Variants in FOXJ1 observed in about 807,000 individuals in gnomAD.
FOXJ1 encodes forkhead box J1.
Under a neutral mutation model 29.3 loss-of-function variants are expected in FOXJ1, and 8 were observed. The observed-to-expected ratio is 0.27, with a 90% CI of 0.16 to 0.49. FOXJ1 has a LOEUF of 0.49. Ranked by LOEUF, FOXJ1 falls within the 20% of genes least tolerant of loss-of-function variation. The pLI is 0.98. For synonymous variants in FOXJ1, 280 were observed against 278.7 expected (o/e 1.00, Z -0.05); for missense variants, 539 against 595.5 (o/e 0.91, Z 0.99).
In FOXJ1 at chr17:76,137,479, G is replaced by A; in HGVS notation, c.1140C>T (p.Ser380=). 1 of 1,575,020 alleles carries A rather than the reference G, an allele frequency of 6.3e-7. No individual in the cohort carries two copies. The highest frequency in any genetic ancestry group is 1.7e-4 in the Middle Eastern group (1 of 5,968). ...TCTCGTCCCAGGGGTGCTGCAGGAA[G>A]GATGTGGCCAGGAAGGTCTCATCGA... The part of the protein sequence containing the change: ...LDFDETFLAT[S]FLQHPWDESG... The change falls in exon 3 of 3, where the codon TCC becomes TCT. Residue 380 remains serine, a synonymous_variant. Transcript: ENST00000322957. The surrounding 1 kb of genome is among the most constrained non-coding windows in gnomAD (Gnocchi z 9.5).
rs2144762503 is a variant in FOXJ1, at chr17:76,138,140, A to G, written c.499-20T>C. 3.7e-6 allele frequency: 6 copies of G among 1,612,796 alleles called. No individual in the cohort carries two copies. Among genetic ancestry groups the G allele is most frequent in the Non-Finnish European group, 5.1e-6 (6 of 1,179,624 alleles). ...TGAATTCTGGGTGCAGGGAGAGAGCAAGAGAGAGAGGAACCGCTAGGTCAG... is the reference window on the plus strand; with the variant it reads ...TGAATTCTGGGTGCAGGGAGAGAGCGAGAGAGAGAGGAACCGCTAGGTCAG... On this transcript the variant is annotated intron_variant, in intron 2 of 2. Transcript: ENST00000322957.
Position 76,137,168 on chromosome 17 carries a change from GTTT to G in FOXJ1, c.*182_*184del, listed in dbSNP as rs2068484636. The G allele has an allele frequency of 2.0e-6, 1 of 511,634 alleles. No individual in the cohort carries two copies. The highest frequency in any genetic ancestry group is 4.3e-5 in the South Asian group (1 of 23,134). 31.7% of individuals were successfully genotyped at this position (511,634 alleles called of 1,614,324 possible). ...GCAGCGATTCTGGTCCTGGGCCCTC[GTTT>G]TCAGCCTCCTGGGCTTGAATCTGAT... On this transcript the variant is annotated 3_prime_UTR_variant, in exon 3 of 3. Coordinates refer to ENST00000322957, the MANE Select transcript of FOXJ1 (RefSeq NM_001454.4). This position sits in a 1 kb window ranked among gnomAD's most constrained non-coding sequence, Gnocchi z 9.5.
At position 76,137,314 on chromosome 17, in the gene FOXJ1, A is replaced by G. The variant is rs1195439609; in HGVS notation, c.*39T>C. Reference sequence around the variant, plus strand: ...TGTTGGGGGGCAGTTCTGGACCCTGACTTGGGCACTGTCCAGAGGTGGGGC... The same window carrying G: ...TGTTGGGGGGCAGTTCTGGACCCTGGCTTGGGCACTGTCCAGAGGTGGGGC... On this transcript the variant is annotated 3_prime_UTR_variant, in exon 3 of 3. Transcript: ENST00000322957. This position sits in a 1 kb window ranked among gnomAD's most constrained non-coding sequence, Gnocchi z 9.5. 1 of 1,429,064 alleles carries G rather than the reference A, an allele frequency of 7.0e-7. No individual in the cohort carries two copies. Among genetic ancestry groups the G allele is most frequent in the South Asian group, 1.5e-5 (1 of 67,834 alleles). 88.5% of individuals were successfully genotyped at this position (1,429,064 alleles called of 1,614,324 possible).
Position 76,137,641 on chromosome 17 carries a change from T to C in FOXJ1, c.978A>G (p.Ala326=). 6.2e-7 allele frequency: 1 copy of C among 1,604,802 alleles called. No homozygotes were observed. Among genetic ancestry groups the C allele is most frequent in the Non-Finnish European group, 8.5e-7 (1 of 1,176,210 alleles). The stretch of plus-strand genomic sequence containing the variant: ...GCGGGCTCAGCTCCAGGGCCTCCAG[T>C]GCACCCAGCTCCCCGCCCAGAGTGC... ...DAGTLGGELG[A]LEALELSPPL... The change falls in exon 3 of 3, where the codon GCA becomes GCG. Residue 326 remains alanine, a synonymous_variant. Transcript: ENST00000322957. The surrounding 1 kb of genome is among the most constrained non-coding windows in gnomAD (Gnocchi z 9.5).
At position 76,140,327 on chromosome 17, in the gene FOXJ1, C is replaced by T; in HGVS notation, c.69G>A (p.Leu23=). ...PAEEAGPEGG[L]EEPDALDDSL... is the part of the protein sequence containing the mutation. The stretch of plus-strand genomic sequence containing the variant: ...TGTCATCCAGGGCGTCGGGCTCCTC[C>T]AGGCCGCCCTCCGGCCCGGCCTCCT... Residue 23 remains leucine (L), a synonymous_variant, in exon 2 of 3, where the codon CTG becomes CTA. Coordinates refer to ENST00000322957, the MANE Select transcript of FOXJ1 (RefSeq NM_001454.4). This position sits in a 1 kb window ranked among gnomAD's most constrained non-coding sequence, Gnocchi z 8.0. 2.0e-6 allele frequency: 3 copies of T among 1,499,476 alleles called. No homozygotes were observed. The highest frequency in any genetic ancestry group is 2.6e-6 in the Non-Finnish European group (3 of 1,132,716). The allele number at this position is 1,499,476 out of a possible 1,614,324, so 92.9% of individuals were successfully genotyped here. A position where few individuals can be genotyped will look rare whatever the true frequency, so the allele number is the denominator to read the frequency against.
chr17:76,137,343 G>A lies in FOXJ1; in HGVS notation c.*10C>T, dbSNP rs1598372625. On this transcript the variant is annotated 3_prime_UTR_variant, in exon 3 of 3. Coordinates refer to ENST00000322957, the MANE Select transcript of FOXJ1 (RefSeq NM_001454.4). This position sits in a 1 kb window ranked among gnomAD's most constrained non-coding sequence, Gnocchi z 9.5. The stretch of plus-strand genomic sequence containing the variant: ...GGGCACTGTCCAGAGGTGGGGCAGG[G>A]CCTGGCCTCTTACAAGAAGGCCCCC... 6.8e-7 allele frequency: 1 copy of A among 1,477,388 alleles called. No individual in the cohort carries two copies. Among genetic ancestry groups the A allele is most frequent in the Admixed American group, 2.2e-5 (1 of 45,220 alleles). The allele number at this position is 1,477,388 out of a possible 1,614,324, so 91.5% of individuals were successfully genotyped here.
At chr17:76,138,677 C>T (rs1388148195) in intron 2 of FOXJ1, among the ~76,000 whole-genome samples, 1 of 152,140 alleles carries the variant, frequency 6.6e-6, no homozygotes, top group Non-Finnish European at 1.5e-5. Flanking sequence ...CCCACGGCCC[C>T]CTCCCCCCAC....
Position 76,137,390 on chromosome 17 carries a change from T to G in FOXJ1, c.1229A>C (p.Asp410Ala). The G allele has an allele frequency of 7.2e-6, 11 of 1,524,228 alleles. No individual in the cohort carries two copies. The highest frequency in any genetic ancestry group is 8.8e-6 in the Non-Finnish European group (10 of 1,139,358). The allele number at this position is 1,524,228 out of a possible 1,614,324, so 94.4% of individuals were successfully genotyped here. A position where few individuals can be genotyped will look rare whatever the true frequency, so the allele number is the denominator to read the frequency against. Reference sequence around the variant, plus strand: ...CCCCACGCTGGCCCAGTCCTGCAGGTCGGAGGCCAGGGTGGCATCCCCAGC... The same window carrying G: ...CCCCACGCTGGCCCAGTCCTGCAGGGCGGAGGCCAGGGTGGCATCCCCAGC... The part of the protein sequence containing the change: ...FEAGDATLAS[D>A]LQDWASVGAF... Residue 410 changes from aspartate (D) to alanine (A), a missense_variant, in exon 3 of 3, where the codon GAC (aspartate) becomes GCC (alanine). By Grantham distance (126) the Asp-to-Ala change is moderately radical. Transcript: ENST00000322957. This position sits in a 1 kb window ranked among gnomAD's most constrained non-coding sequence, Gnocchi z 9.5.
intron 2 of FOXJ1, 21 bp from the exon 3 acceptor site, chr17:76,138,141 A>G (rs1228259234): frequency 6.2e-7 from 1 of 1,612,218 alleles, no homozygotes; most frequent in Non-Finnish European, 8.5e-7. Flanking sequence ...GGAGAGAGCA[A>G]GAGAGAGAGG....
rs543386818 is a variant in FOXJ1, at chr17:76,140,135, C to T, written c.261G>A (p.Thr87=). The T allele has an allele frequency of 8.8e-5, 138 of 1,575,312 alleles. 3 individuals are homozygous for T. In the South Asian group the frequency reaches 1.5e-3, roughly 18 times the overall value. The change falls in exon 2 of 3, where the codon ACG becomes ACA. Residue 87 remains threonine, a synonymous_variant. Transcript: ENST00000322957. This position sits in a 1 kb window ranked among gnomAD's most constrained non-coding sequence, Gnocchi z 8.0. ...ADPACLGQPH[T]PGKPTSSCTS... ...TGCACGACGACGTGGGCTTGCCCGG[C>T]GTGTGTGGCTGCCCCAGGCAGGCGG...
rs546341724 is a variant in FOXJ1, at chr17:76,136,925, A to G, written c.*428T>C. ...GTTAATTTGCTGTCATCTAATTAGC[A>G]TTTGTTGTACCTGGGGACTCTCTCT... On this transcript the variant is annotated 3_prime_UTR_variant, in exon 3 of 3. Coordinates refer to ENST00000322957, the MANE Select transcript of FOXJ1 (RefSeq NM_001454.4). The surrounding 1 kb of genome is among the most constrained non-coding windows in gnomAD (Gnocchi z 4.9). The G allele has an allele frequency of 6.2e-6, 1 of 161,848 alleles. No homozygotes were observed. The highest frequency in any genetic ancestry group is 1.8e-4 in the East Asian group (1 of 5,632). The allele number at this position is 161,848 out of a possible 1,614,324, so 10.0% of individuals were successfully genotyped here. A position where few individuals can be genotyped will look rare whatever the true frequency, so the allele number is the denominator to read the frequency against.
In FOXJ1 at chr17:76,139,546, A is replaced by T. The variant is rs895788927; in HGVS notation, c.498+352T>A. 6.6e-6 allele frequency among the ~76,000 whole-genome samples: 1 copy of T among 152,150 alleles called. No individual in the cohort carries two copies. Among genetic ancestry groups the T allele is most frequent in the Non-Finnish European group, 1.5e-5 (1 of 68,018 alleles). ...TAGGAATTCTAGGACTTGGGACAAGAATGCGCCTTCAGTTCATCGCTCTCC... is the reference window on the plus strand; with the variant it reads ...TAGGAATTCTAGGACTTGGGACAAGTATGCGCCTTCAGTTCATCGCTCTCC... On this transcript the variant is annotated intron_variant, in intron 2 of 2. Transcript: ENST00000322957. This position sits in a 1 kb window ranked among gnomAD's most constrained non-coding sequence, Gnocchi z 6.6.
rs1470674143 is a variant in FOXJ1, at chr17:76,140,230, C to G, written c.166G>C (p.Gly56Arg). The G allele has an allele frequency of 6.9e-7, 1 of 1,455,850 alleles. No individual in the cohort carries two copies. The allele number at this position is 1,455,850 out of a possible 1,614,324, so 90.2% of individuals were successfully genotyped here. Residue 56 changes from glycine to arginine, a missense_variant, in exon 2 of 3, where the codon GGC becomes CGC. Gly to Arg is a moderately radical substitution (Grantham distance 125). This residue lies in a region of FOXJ1 where 178 missense variants were observed against 254.4 expected (regional missense o/e 0.70). Transcript: ENST00000322957. This position sits in a 1 kb window ranked among gnomAD's most constrained non-coding sequence, Gnocchi z 8.0. ...NAKAPALPPG[G>R]TDPHGYHQVP... ...TGGTGGTAGCCGTGGGGGTCGGTGCCCCCCGGGGGCAGGGCGGGGGCCTTG... is the reference window on the plus strand; with the variant it reads ...TGGTGGTAGCCGTGGGGGTCGGTGCGCCCCGGGGGCAGGGCGGGGGCCTTG...
In FOXJ1 at chr17:76,137,665, G is replaced by A; in HGVS notation, c.954C>T (p.Gly318=). The change falls in exon 3 of 3, where the codon GGC becomes GGT. Residue 318 remains glycine (G), a synonymous_variant. Coordinates refer to ENST00000322957, the MANE Select transcript of FOXJ1 (RefSeq NM_001454.4). This position sits in a 1 kb window ranked among gnomAD's most constrained non-coding sequence, Gnocchi z 9.5. ...GTGCACCCAGCTCCCCGCCCAGAGT[G>A]CCGGCGTCGAAGATGGCCTCCCAGT... ...NFDWEAIFDA[G]TLGGELGALE... 1 of 1,611,994 alleles carries A rather than the reference G, an allele frequency of 6.2e-7. No homozygotes were observed. The highest frequency in any genetic ancestry group is 1.1e-5 in the South Asian group (1 of 90,848).
Position 76,139,981 on chromosome 17 carries a change from C to T in FOXJ1, c.415G>A (p.Ala139Thr). 6.2e-7 allele frequency: 1 copy of T among 1,613,814 alleles called. No homozygotes were observed. The part of the protein sequence containing the change: ...LICMAMQASK[A>T]TKITLSAIYK... The stretch of plus-strand genomic sequence containing the variant: ...ATGGCCGACAGGGTGATCTTGGTGG[C>T]CTTGCTGGCCTGCATGGCCATGCAG... Residue 139 changes from alanine to threonine, a missense_variant, in exon 2 of 3, where the codon GCC becomes ACC. Coordinates refer to ENST00000322957, the MANE Select transcript of FOXJ1 (RefSeq NM_001454.4). This position sits in a 1 kb window ranked among gnomAD's most constrained non-coding sequence, Gnocchi z 6.6.
At position 76,137,958 on chromosome 17, in the gene FOXJ1, G is replaced by A. The variant is rs762726950; in HGVS notation, c.661C>T (p.His221Tyr). 4.4e-6 allele frequency: 7 copies of A among 1,592,366 alleles called. No individual in the cohort carries two copies. The African/African-American group carries it at 9.4e-5, about 21-fold the overall frequency. The change falls in exon 3 of 3, where the codon CAC becomes TAC. Residue 221 changes from histidine to tyrosine, a missense_variant. Around this residue, in one of 3 missense-constraint regions of FOXJ1, gnomAD observed 302 missense variants for 293.6 expected, o/e 1.03. Coordinates refer to ENST00000322957, the MANE Select transcript of FOXJ1 (RefSeq NM_001454.4). The surrounding 1 kb of genome is among the most constrained non-coding windows in gnomAD (Gnocchi z 9.5). ...KKRRLPPVHI[H>Y]PAFARQAAQE... Reference sequence around the variant, plus strand: ...GCGGCCTGGCGGGCAAAGGCTGGGTGGATGTGGACAGGGGGCAGTCGCCGC... The same window carrying A: ...GCGGCCTGGCGGGCAAAGGCTGGGTAGATGTGGACAGGGGGCAGTCGCCGC...
chr17:76,141,232 G>T lies in FOXJ1; in HGVS notation c.-288C>A, dbSNP rs1017575925. On this transcript the variant is annotated 5_prime_UTR_variant, in exon 1 of 3. Coordinates refer to ENST00000322957, the MANE Select transcript of FOXJ1 (RefSeq NM_001454.4). The surrounding 1 kb of genome is among the most constrained non-coding windows in gnomAD (Gnocchi z 4.2). ...AGCGCCTCTTGCCGCCCCCCCGCCC[G>T]ACGGCGCTTCTCTGAGCTACCGCGG... 1 of 152,150 alleles carries T rather than the reference G, an allele frequency of 6.6e-6. No homozygotes were observed. Among genetic ancestry groups the T allele is most frequent in the South Asian group, 2.1e-4 (1 of 4,830 alleles). The allele number at this position is 152,150 out of a possible 1,614,324, so 9.4% of individuals were successfully genotyped here. A position where few individuals can be genotyped will look rare whatever the true frequency, so the allele number is the denominator to read the frequency against.
chr17:76,137,387 A>G lies in FOXJ1; in HGVS notation c.1232T>C (p.Leu411Pro), dbSNP rs922368569. ...EAGDATLASD[L>P]QDWASVGAFL ...GGCCCCCACGCTGGCCCAGTCCTGC[A>G]GGTCGGAGGCCAGGGTGGCATCCCC... Residue 411 changes from leucine to proline, a missense_variant, in exon 3 of 3, where the codon CTG (leucine) becomes CCG (proline). Around this residue, in one of 3 missense-constraint regions of FOXJ1, gnomAD observed 302 missense variants for 293.6 expected, o/e 1.03. Transcript: ENST00000322957. This position sits in a 1 kb window ranked among gnomAD's most constrained non-coding sequence, Gnocchi z 9.5. The G allele has an allele frequency of 2.0e-6, 3 of 1,521,300 alleles. No individual in the cohort carries two copies. In the African/African-American group the frequency reaches 4.1e-5, roughly 21 times the overall value. 94.2% of individuals were successfully genotyped at this position (1,521,300 alleles called of 1,614,324 possible).
Position 76,140,202 on chromosome 17 carries a change from A to C in FOXJ1, c.194T>G (p.Val65Gly), listed in dbSNP as rs201704855. 6.9e-6 allele frequency: 10 copies of C among 1,449,362 alleles called. No homozygotes were observed. The African/African-American group carries it at 1.3e-4, about 19-fold the overall frequency. 89.8% of individuals were successfully genotyped at this position (1,449,362 alleles called of 1,614,324 possible). Residue 65 changes from valine (V) to glycine (G), a missense_variant, in exon 2 of 3, where the codon GTG becomes GGG. Coordinates refer to ENST00000322957, the MANE Select transcript of FOXJ1 (RefSeq NM_001454.4). The surrounding 1 kb of genome is among the most constrained non-coding windows in gnomAD (Gnocchi z 8.0). ...GGTDPHGYHQ[V>G]PGSAAPGSPL... ...GGACCCGGGCGCCGCTGAACCTGGC[A>C]CCTGGTGGTAGCCGTGGGGGTCGGT...
Sources: allele counts gnomAD v4.1 joint callset (sites outside exome capture counted in the v4.1 genomes callset), GRCh38; gene constraint gnomAD v4.1.1; regional missense constraint gnomAD v4.1.1; non-coding constraint Gnocchi (gnomAD v3.1); transcripts MANE v1.5; gene names NCBI Gene and HGNC (gene_info 2026-07-23, HGNC 2026-07-21).